Variants in ZNF804A observed in about 807,000 individuals in gnomAD.
ZNF804A encodes zinc finger protein 804A.
In ZNF804A, 2 loss-of-function variants were observed where a neutral mutation model predicts 16.5. The ratio of observed to expected loss-of-function variants is 0.12; its 90% CI spans 0.05 to 0.38. The LOEUF (loss-of-function observed/expected upper bound fraction) is 0.38, where lower values mean the gene tolerates loss of function less well. Among genes scored for constraint, ZNF804A ranks in the 10% least tolerant of loss-of-function variants. ZNF804A has a pLI of 0.99. For missense variants in ZNF804A, 1,473 were observed against 1,390.7 expected (o/e 1.06, Z -0.94); for synonymous variants, 534 against 489.6 (o/e 1.09, Z -1.20).
intron 1 of ZNF804A, among the ~76,000 whole-genome samples, chr2:184,764,956 CA>C (rs558569040): frequency 2.7e-5 from 4 of 150,530 alleles, no homozygotes; most frequent in Admixed American, 6.6e-5. Flanking sequence ...ATTTAGAAAA[CA>C]AAAAAAAACT....
intron 1 of ZNF804A, among the ~76,000 whole-genome samples, chr2:184,831,044 C>G (rs955345742): frequency 6.6e-6 from 1 of 152,054 alleles, no homozygotes; most frequent in African/African-American, 2.4e-5. Context: ...AATCTACTGA[C>G]AGAAAACACT....
At chr2:184,626,237 C>A (rs1274237288) in intron 1 of ZNF804A, among the ~76,000 whole-genome samples, 2 of 151,946 alleles carry the variant, frequency 1.3e-5, no homozygotes, top group African/African-American at 2.4e-5. Context: ...TCTCTAGCCC[C>A]GGTTGTTTTG....
intron 1 of ZNF804A, among the ~76,000 whole-genome samples, chr2:184,754,610 T>A (rs1392356702): frequency 6.6e-6 from 1 of 151,962 alleles, no homozygotes; most frequent in Admixed American, 6.6e-5. Context: ...ATATCTCGAA[T>A]TGAAACACAT....
At chr2:184,601,850 A>G (rs1559104818) in intron 1 of ZNF804A, among the ~76,000 whole-genome samples, 1 of 151,944 alleles carries the variant, frequency 6.6e-6, no homozygotes, top group Non-Finnish European at 1.5e-5. Flanking sequence ...GTCAATAGAT[A>G]CTTAATGGCT....
chr2:184,769,953 C>T (rs1261380024), intron 1 of ZNF804A, among the ~76,000 whole-genome samples: 1 of 151,916 alleles, frequency 6.6e-6, no homozygotes, highest in Non-Finnish European at 1.5e-5. Context: ...GATAATTTTT[C>T]CTTTGGATAT....
At chr2:184,705,524 G>C (rs1693011782) in intron 1 of ZNF804A, among the ~76,000 whole-genome samples, 1 of 152,038 alleles carries the variant, frequency 6.6e-6, no homozygotes, top group African/African-American at 2.4e-5. Context: ...TTTTTCTTCA[G>C]AGTACAACTA....
chr2:184,939,064 C>T lies in ZNF804A; in HGVS notation c.*38C>T, dbSNP rs763371442. The T allele has an allele frequency of 2.5e-6, 4 of 1,596,980 alleles. No homozygotes were observed. The highest frequency in any genetic ancestry group is 3.4e-6 in the Non-Finnish European group (4 of 1,169,716). ...TGGGAAAAAAATACTCTTGTGAAAA[C>T]TATTGCTATATGCGTTAAGTGTTCA... On this transcript the variant is annotated 3_prime_UTR_variant, in exon 4 of 4. Transcript: ENST00000302277.
intron 1 of ZNF804A, among the ~76,000 whole-genome samples, chr2:184,789,444 A>C (rs1002414817): frequency 3.3e-5 from 5 of 152,000 alleles, no homozygotes; most frequent in African/African-American, 1.2e-4. Flanking sequence ...TAAACTTTGG[A>C]TGTGAATCTT....
Position 184,613,191 on chromosome 2 carries a change from G to A in ZNF804A, c.111+14121G>A, listed in dbSNP as rs139899547. 3.2e-3 allele frequency among the ~76,000 whole-genome samples: 489 copies of A among 152,272 alleles called. 2 individuals are homozygous for A. Among genetic ancestry groups the A allele is most frequent in the Middle Eastern group, 6.8e-3 (2 of 294 alleles). ...TCTTAGAACCCTTCATAAAATAAGG[G>A]CAATATCTATTCACAGGTTCAAGGC... On this transcript the variant is annotated intron_variant, in intron 1 of 3. Transcript: ENST00000302277.
chr2:184,837,978 T>A (rs1429525737), intron 1 of ZNF804A, among the ~76,000 whole-genome samples: 2 of 152,042 alleles, frequency 1.3e-5, no homozygotes, highest in South Asian at 2.1e-4. Context: ...TTTACCTTGC[T>A]CAGTGGTCAG....
chr2:184,934,234 T>C (rs1685750600), intron 3 of ZNF804A, among the ~76,000 whole-genome samples: 1 of 152,154 alleles, frequency 6.6e-6, no homozygotes, highest in Admixed American at 6.5e-5. Flanking sequence ...CTAACTGGGC[T>C]GTTAGAGGTT....
chr2:184,800,896 A>G (rs1348447968), intron 1 of ZNF804A, among the ~76,000 whole-genome samples: 1 of 152,024 alleles, frequency 6.6e-6, no homozygotes, highest in Non-Finnish European at 1.5e-5. Context: ...TATCTTTTAT[A>G]TTTATTCTTT....
intron 1 of ZNF804A, among the ~76,000 whole-genome samples, chr2:184,718,741 G>A (rs1309028055): frequency 6.6e-6 from 1 of 152,164 alleles, no homozygotes; most frequent in South Asian, 2.1e-4. Context: ...GTCTTGGGCA[G>A]TTCCAACCCT....
intron 1 of ZNF804A, among the ~76,000 whole-genome samples, chr2:184,657,030 T>C (rs1692088603): frequency 6.6e-6 from 1 of 152,232 alleles, no homozygotes; most frequent in East Asian, 1.9e-4. Context: ...GAAAACATTT[T>C]TGTCTATCCT....
At chr2:184,785,734 C>A (rs758710796) in intron 1 of ZNF804A, among the ~76,000 whole-genome samples, 1 of 151,766 alleles carries the variant, frequency 6.6e-6, no homozygotes, top group Non-Finnish European at 1.5e-5. Flanking sequence ...ATTTGTATAC[C>A]TTCTGATGTA....
At chr2:184,826,699 T>A (rs1695173931) in intron 1 of ZNF804A, among the ~76,000 whole-genome samples, 1 of 152,088 alleles carries the variant, frequency 6.6e-6, no homozygotes, top group Non-Finnish European at 1.5e-5. Flanking sequence ...GATTACTTAT[T>A]TGAAGTTTAC....
At chr2:184,738,325 C>T (rs181748517) in intron 1 of ZNF804A, among the ~76,000 whole-genome samples, 282 of 152,008 alleles carry the variant, frequency 1.9e-3, no homozygotes, top group Middle Eastern at 3.4e-3. Context: ...TTCCTGGGTT[C>T]CTAGAGTCAG....
chr2:184,827,105 C>T (rs914922467), intron 1 of ZNF804A, among the ~76,000 whole-genome samples: 52 of 151,822 alleles, frequency 3.4e-4, no homozygotes, highest in African/African-American at 1.2e-3. Context: ...ATTTCTACTG[C>T]AGAGGTCCTA....
At chr2:184,717,919 A>C (rs1336532442) in intron 1 of ZNF804A, among the ~76,000 whole-genome samples, 1 of 152,208 alleles carries the variant, frequency 6.6e-6, no homozygotes, top group Non-Finnish European at 1.5e-5. Flanking sequence ...CAAGACAAGC[A>C]TGCCTGTTTT....
Sources: gnomAD v4.1 joint callset for allele counts (sites outside exome capture counted in the v4.1 genomes callset) on GRCh38, gnomAD v4.1.1 for gene constraint, MANE v1.5 for transcripts, NCBI Gene and HGNC (gene_info 2026-07-23, HGNC 2026-07-21) for gene names.